RTCB: variants seen among roughly 807,000 people sequenced by gnomAD.
The protein encoded by RTCB is RNA 2',3'-cyclic phosphate and 5'-OH ligase, also known as RNA-splicing ligase RTCB.
In RTCB, 32 loss-of-function variants were observed where a neutral mutation model predicts 58.2. The ratio of observed to expected loss-of-function variants is 0.55; its 90% CI spans 0.41 to 0.74. The LOEUF is 0.74. RTCB is among the 30% of genes least tolerant of loss of function. The probability of loss-of-function intolerance (pLI) is 0.00; values close to 1 mark genes in which losing one functional copy is unlikely to be tolerated. For synonymous variants in RTCB, 247 were observed against 218.6 expected (o/e 1.13, Z -1.15); for missense variants, 523 against 639.0 (o/e 0.82, Z 1.96).
chr22:32,389,795 T>C (rs1933121236), intron 11 of RTCB, among the ~76,000 whole-genome samples: 1 of 152,222 alleles, frequency 6.6e-6, no homozygotes, highest in African/African-American at 2.4e-5. Context: ...CAAACACATT[T>C]GTCAGATCAC....
chr22:32,388,014 G>T lies in RTCB; in HGVS notation c.1496C>A (p.Pro499Gln). The change falls in exon 12 of 12, where the codon CCA becomes CAA. Residue 499 changes from proline (P) to glutamine (Q), a missense_variant. Coordinates refer to ENST00000216038, the MANE Select transcript of RTCB (RefSeq NM_014306.5). ...GTTCTATCCTTTGATCACAGCAATTGGTCTCAGTTTAATGGCTTTCTTGCT... is the reference window on the plus strand; with the variant it reads ...GTTCTATCCTTTGATCACAGCAATTTGTCTCAGTTTAATGGCTTTCTTGCT... ...GISKKAIKLR[P>Q]IAVIKG The T allele has an allele frequency of 6.2e-7, 1 of 1,612,908 alleles. No individual in the cohort carries two copies. Among genetic ancestry groups the T allele is most frequent in the Non-Finnish European group, 8.5e-7 (1 of 1,178,924 alleles).
chr22:32,407,622 G>A (rs184539459), intron 3 of RTCB: 2 of 152,512 alleles, frequency 1.3e-5, no homozygotes, highest in African/African-American at 4.8e-5. Flanking sequence ...CACTGATCCA[G>A]GAATAATGTT....
chr22:32,396,037 T>C (rs375417103), intron 8 of RTCB, 37 bp downstream of exon 8: 175 of 1,604,278 alleles, frequency 1.1e-4, no homozygotes, highest in Non-Finnish European at 1.4e-4. Flanking sequence ...AACATCATCA[T>C]GAATGACTCG....
intron 11 of RTCB, among the ~76,000 whole-genome samples, chr22:32,389,184 C>A (rs1173814143): frequency 6.6e-6 from 1 of 152,156 alleles, no homozygotes; most frequent in Non-Finnish European, 1.5e-5. Flanking sequence ...TACTACTTGG[C>A]GATTTCTAGC....
intron 3 of RTCB, 125 bp downstream of exon 3, chr22:32,408,050 C>G (rs1933457631): frequency 1.2e-6 from 1 of 852,524 alleles, no homozygotes; most frequent in Non-Finnish European, 1.9e-6. Flanking sequence ...CTGAGCCTGG[C>G]TTCATGGTTA....
intron 4 of RTCB, among the ~76,000 whole-genome samples, chr22:32,402,406 C>CA (rs1427890661): frequency 6.6e-6 from 1 of 152,150 alleles, no homozygotes; most frequent in Non-Finnish European, 1.5e-5. Flanking sequence ...TGTTTCCATT[C>CA]AAAAAGGACA....
chr22:32,391,502 T>C (rs976162352), intron 11 of RTCB, among the ~76,000 whole-genome samples: 2 of 151,852 alleles, frequency 1.3e-5, no homozygotes, highest in Non-Finnish European at 2.9e-5. Context: ...TTCAAGTGAT[T>C]TTCCTGTCTC....
At chr22:32,402,042 T>C in intron 4 of RTCB, 139 bp from the exon 5 acceptor site, 1 of 943,442 alleles carries the variant, frequency 1.1e-6, no homozygotes, top group Non-Finnish European at 1.6e-6. Context: ...AAGTGGTTCT[T>C]TGCTGAGTAA....
At chr22:32,397,240 A>T (rs1377588725) in intron 7 of RTCB, among the ~76,000 whole-genome samples, 2 of 152,094 alleles carry the variant, frequency 1.3e-5, no homozygotes, top group Non-Finnish European at 2.9e-5. Context: ...ACATTATTTC[A>T]CACACCCTCC....
chr22:32,395,533 A>C (rs568331847), intron 8 of RTCB, among the ~76,000 whole-genome samples: 1 of 152,298 alleles, frequency 6.6e-6, no homozygotes, highest in South Asian at 2.1e-4. Context: ...TTCAAGACAA[A>C]TTCTAGGAAT....
intron 1 of RTCB, among the ~76,000 whole-genome samples, chr22:32,409,201 T>TA (rs10640693): frequency 0.56 from 83,164 of 149,362 alleles, 23,375 homozygotes; most frequent in Middle Eastern, 0.64. Context: ...TTTTGAAAAT[T>TA]AAAAAAAAAA....
At chr22:32,393,842 CA>C in intron 10 of RTCB, 49 bp downstream of exon 10, 5 of 1,294,002 alleles carry the variant, frequency 3.9e-6, no homozygotes, top group Non-Finnish European at 4.5e-6. Context: ...AATGGAAAAC[CA>C]TAGCTAAACT....
intron 10 of RTCB, among the ~76,000 whole-genome samples, chr22:32,393,215 T>G (rs1004178338): frequency 4.6e-5 from 7 of 152,194 alleles, no homozygotes; most frequent in Admixed American, 2.6e-4. Context: ...TAATTACAAG[T>G]GTGAGCAACC....
At chr22:32,391,302 C>A (rs1025212685) in intron 11 of RTCB, among the ~76,000 whole-genome samples, 3 of 151,216 alleles carry the variant, frequency 2.0e-5, no homozygotes, top group Admixed American at 6.6e-5. Context: ...TAATAATGTG[C>A]AAAATTTTAA....
At chr22:32,409,358 AG>A (rs1361561136) in intron 1 of RTCB, among the ~76,000 whole-genome samples, 1 of 152,230 alleles carries the variant, frequency 6.6e-6, no homozygotes, top group East Asian at 1.9e-4. Flanking sequence ...AATAGTGAGA[AG>A]AAAAATTTAA....
chr22:32,401,956 CA>C, intron 4 of RTCB, 53 bp from the exon 5 acceptor site: 6 of 1,556,196 alleles, frequency 3.9e-6, no homozygotes, highest in Non-Finnish European at 5.3e-6. Context: ...CTGTTACCTG[CA>C]GTTTCTCGCC....
At chr22:32,405,334 G>A (rs2145897054) in intron 4 of RTCB, among the ~76,000 whole-genome samples, 1 of 152,258 alleles carries the variant, frequency 6.6e-6, no homozygotes, top group East Asian at 1.9e-4. Context: ...CAAAAAGTTT[G>A]AGGACTGCTG....
intron 1 of RTCB, among the ~76,000 whole-genome samples, chr22:32,411,120 T>G (rs5994563): frequency 6.6e-6 from 1 of 152,168 alleles, no homozygotes; most frequent in Non-Finnish European, 1.5e-5. Context: ...CTTCCCTCAG[T>G]GTAAGTGACT....
In RTCB at chr22:32,387,782, AG is replaced by A; in HGVS notation, c.*209del. 2.0e-6 allele frequency: 1 copy of A among 505,508 alleles called. No individual in the cohort carries two copies. Among genetic ancestry groups the A allele is most frequent in the South Asian group, 2.6e-5 (1 of 37,874 alleles). The allele number at this position is 505,508 out of a possible 1,614,324, so 31.3% of individuals were successfully genotyped here. On this transcript the variant is annotated 3_prime_UTR_variant, in exon 12 of 12. Transcript: ENST00000216038. ...AGAAGGCATATTCCTCCCTTTCCAA[AG>A]GTGGGCAATGTGCCTCTTCCTGGAA...
Sources: gnomAD v4.1 joint callset for allele counts (sites outside exome capture counted in the v4.1 genomes callset) on GRCh38, gnomAD v4.1.1 for gene constraint, MANE v1.5 for transcripts, NCBI Gene and HGNC (gene_info 2026-07-23, HGNC 2026-07-21) for gene names.